The following PRKCB variants were observed in gnomAD, a reference collection of about 807,000 sequenced individuals.
PRKCB encodes protein kinase C beta type.
Under a neutral mutation model 81.5 loss-of-function variants are expected in PRKCB, and 13 were observed. That is an observed-to-expected ratio of 0.16 (90% CI 0.10 to 0.25). The LOEUF (loss-of-function observed/expected upper bound fraction) is 0.25. Ranked by LOEUF, PRKCB falls within the 10% of genes least tolerant of loss-of-function variation. The pLI is 1.00. For missense variants in PRKCB, 509 were observed against 875.7 expected (o/e 0.58, Z 5.29); for synonymous variants, 335 against 321.4 (o/e 1.04, Z -0.45).
chr16:24,131,629 G>A (rs1373364957), intron 9 of PRKCB, among the ~76,000 whole-genome samples: 1 of 152,104 alleles, frequency 6.6e-6, no homozygotes, highest in Non-Finnish European at 1.5e-5. Context: ...ACTTTAACTT[G>A]ACTTCCTTTT....
intron 7 of PRKCB, among the ~76,000 whole-genome samples, chr16:24,107,997 AAATCTCAGAGGTCTCTGATATATCG>A (rs1377762817): frequency 2.0e-5 from 3 of 152,206 alleles, no homozygotes; most frequent in African/African-American, 7.2e-5. Flanking sequence ...GGCAAAGAGA[AAATCTCAGAGGTCTCTGATATATCG>A]TTAACACTCT....
At chr16:23,971,910 G>T (rs11645936) in intron 2 of PRKCB, among the ~76,000 whole-genome samples, 23,945 of 151,820 alleles carry the variant, frequency 0.16, 2,045 homozygotes, top group South Asian at 0.23. Flanking sequence ...CCACTCCTAG[G>T]TATTTATCCA....
At chr16:23,877,920 G>A (rs949791062) in intron 2 of PRKCB, among the ~76,000 whole-genome samples, 8 of 149,634 alleles carry the variant, frequency 5.3e-5, no homozygotes, top group African/African-American at 7.4e-5. Flanking sequence ...CGCAACCTCC[G>A]CCTCCCAGGG....
At chr16:23,985,813 A>T (rs1964796176) in intron 2 of PRKCB, among the ~76,000 whole-genome samples, 1 of 152,192 alleles carries the variant, frequency 6.6e-6, no homozygotes, top group South Asian at 2.1e-4. Context: ...CCCTGCCAAG[A>T]TATAACATAT....
chr16:24,034,252 C>T (rs1965584845), intron 4 of PRKCB, among the ~76,000 whole-genome samples: 1 of 152,202 alleles, frequency 6.6e-6, no homozygotes, highest in African/African-American at 2.4e-5. Flanking sequence ...CTTCCCTCCC[C>T]ACAACTCATT....
chr16:23,904,103 G>T (rs558641334), intron 2 of PRKCB, among the ~76,000 whole-genome samples: 14 of 152,160 alleles, frequency 9.2e-5, no homozygotes, highest in Non-Finnish European at 2.1e-4. Context: ...ATTCCCTCAT[G>T]AGCTATAAGG....
chr16:24,142,549 G>C (rs545374152), intron 9 of PRKCB, among the ~76,000 whole-genome samples: 1 of 152,190 alleles, frequency 6.6e-6, no homozygotes, highest in Admixed American at 6.5e-5. Flanking sequence ...CCTGGCACAG[G>C]CAGCCTCCCA....
At chr16:24,121,960 G>A (rs1966803392) in intron 8 of PRKCB, among the ~76,000 whole-genome samples, 1 of 152,166 alleles carries the variant, frequency 6.6e-6, no homozygotes, top group African/African-American at 2.4e-5. Context: ...TAGGTACCAG[G>A]GAAACAGTGG....
At chr16:23,980,044 C>T (rs1022190317) in intron 2 of PRKCB, among the ~76,000 whole-genome samples, 1 of 152,210 alleles carries the variant, frequency 6.6e-6, no homozygotes, top group African/African-American at 2.4e-5. Context: ...GTGATTGCAC[C>T]ATTGCACTCC....
chr16:23,945,736 AAAAAG>A (rs2141772614), intron 2 of PRKCB, among the ~76,000 whole-genome samples: 1 of 152,184 alleles, frequency 6.6e-6, no homozygotes, highest in African/African-American at 2.4e-5. Context: ...AAAGAAAAAG[AAAAAG>A]AAAAAGAAAA....
At chr16:23,990,405 C>T (rs565263652) in intron 3 of PRKCB, among the ~76,000 whole-genome samples, 5 of 150,510 alleles carry the variant, frequency 3.3e-5, no homozygotes, top group East Asian at 2.0e-4. Context: ...TTGCAGTAAG[C>T]GGAGATCGCA....
chr16:24,187,349 G>T (rs1395405185), intron 15 of PRKCB, among the ~76,000 whole-genome samples: 3 of 152,182 alleles, frequency 2.0e-5, no homozygotes, highest in Non-Finnish European at 1.5e-5. Flanking sequence ...ATTGCCGCAG[G>T]ACCTTGGGGA....
chr16:23,963,280 G>T (rs1964448603), intron 2 of PRKCB: 1 of 152,244 alleles, frequency 6.6e-6, no homozygotes, highest in African/African-American at 2.4e-5. Context: ...GCACTTGTGA[G>T]AAGTAAGTGG....
At chr16:23,937,694 A>G (rs1964081767) in intron 2 of PRKCB, among the ~76,000 whole-genome samples, 1 of 152,206 alleles carries the variant, frequency 6.6e-6, no homozygotes, top group Admixed American at 6.5e-5. Context: ...CCACTGTCCT[A>G]TTCCTAGACT....
rs894390452 is a variant in PRKCB at position 24,011,955 on chromosome 16, G to T, written c.289-20181G>T. Among the ~76,000 whole-genome samples, 15 of 152,306 alleles carry T rather than the reference G, an allele frequency of 9.8e-5. 2 individuals carry two copies. The highest frequency in any genetic ancestry group is 3.9e-4 in the East Asian group (2 of 5,186). On this transcript the variant is annotated intron_variant, in intron 3 of 16. Transcript: ENST00000643927. ...ATAGAAATGTTTGCTTGACCCAGAGGCCTGAACCTGCTTTGCCTTCAGTGT... is the reference window on the plus strand; with the variant it reads ...ATAGAAATGTTTGCTTGACCCAGAGTCCTGAACCTGCTTTGCCTTCAGTGT...
intron 9 of PRKCB, among the ~76,000 whole-genome samples, chr16:24,136,624 C>T (rs547224029): frequency 3.2e-4 from 49 of 152,184 alleles, no homozygotes; most frequent in African/African-American, 1.0e-3. Context: ...GTAGAATATC[C>T]TAGGAATCTA....
In PRKCB at chr16:24,220,205, T is replaced by C; in HGVS notation, c.*5389T>C. On this transcript the variant is annotated 3_prime_UTR_variant, in exon 17 of 17. Transcript: ENST00000643927. ...AGTCTTCCAGGATTCACGGTGCACA[T>C]GCTGGCATTCAACATGTGGAAAGCT... is the stretch of plus-strand genomic sequence containing the variant. 6.8e-7 allele frequency: 1 copy of C among 1,477,188 alleles called. No homozygotes were observed. Among genetic ancestry groups the C allele is most frequent in the Non-Finnish European group, 9.2e-7 (1 of 1,082,018 alleles). 91.5% of individuals were successfully genotyped at this position (1,477,188 alleles called of 1,614,324 possible).
intron 2 of PRKCB, among the ~76,000 whole-genome samples, chr16:23,950,352 G>C (rs1964264883): frequency 6.6e-6 from 1 of 152,124 alleles, no homozygotes; most frequent in Non-Finnish European, 1.5e-5. Flanking sequence ...CCTCAGAATG[G>C]GGGACATAAA....
intron 10 of PRKCB, among the ~76,000 whole-genome samples, chr16:24,158,655 TGTATAA>T (rs200750130): frequency 0.01 from 1,564 of 151,914 alleles, 34 homozygotes; most frequent in African/African-American, 0.036. Context: ...TGTGTGTATA[TGTATAA>T]GTATATGTAT....
Sources: gnomAD v4.1 joint callset for allele counts (sites outside exome capture counted in the v4.1 genomes callset) on GRCh38, gnomAD v4.1.1 for gene constraint, MANE v1.5 for transcripts, NCBI Gene and HGNC (gene_info 2026-07-23, HGNC 2026-07-21) for gene names.